The following KSR2 variants were observed in gnomAD, a reference collection of about 807,000 sequenced individuals.
KSR2 encodes the protein kinase suppressor of ras 2.
In KSR2, 25 loss-of-function variants were observed where a neutral mutation model predicts 107.8. That is an observed-to-expected ratio of 0.23 (90% CI 0.17 to 0.32). The LOEUF (loss-of-function observed/expected upper bound fraction) is 0.32. Ranked by LOEUF, KSR2 falls within the 10% of genes least tolerant of loss-of-function variation. KSR2 has a pLI of 1.00. For synonymous variants in KSR2, 480 were observed against 507.0 expected (o/e 0.95, Z 0.71); for missense variants, 887 against 1,268.9 (o/e 0.70, Z 4.57).
intron 3 of KSR2, among the ~76,000 whole-genome samples, chr12:117,825,584 CCTAG>C (rs1891713690): frequency 6.6e-6 from 1 of 152,148 alleles, no homozygotes; most frequent in African/African-American, 2.4e-5. Context: ...CCCTAACTAC[CCTAG>C]CTAGCTAACA....
chr12:117,948,144 G>A (rs1403702783), intron 1 of KSR2, among the ~76,000 whole-genome samples: 4 of 152,010 alleles, frequency 2.6e-5, no homozygotes, highest in Non-Finnish European at 5.9e-5. Flanking sequence ...AGATTTGACT[G>A]GTCAATTTTA....
intron 10 of KSR2, among the ~76,000 whole-genome samples, chr12:117,539,236 T>G (rs1876281438): frequency 6.6e-6 from 1 of 152,234 alleles, no homozygotes; most frequent in South Asian, 2.1e-4. Flanking sequence ...GTGACAGCCC[T>G]GTCCTCACAT....
At chr12:117,653,996 G>A (rs1290539952) in intron 5 of KSR2, among the ~76,000 whole-genome samples, 1 of 152,216 alleles carries the variant, frequency 6.6e-6, no homozygotes, top group African/African-American at 2.4e-5. Context: ...GCTCCCATAG[G>A]TGAATCACAG....
At chr12:117,588,876 T>A (rs2136261932) in intron 5 of KSR2, among the ~76,000 whole-genome samples, 1 of 152,284 alleles carries the variant, frequency 6.6e-6, no homozygotes, top group South Asian at 2.1e-4. Context: ...GAAGACTAAG[T>A]GGGATAATGC....
At chr12:117,610,730 C>A (rs563323942) in intron 5 of KSR2, among the ~76,000 whole-genome samples, 56 of 117,318 alleles carry the variant, frequency 4.8e-4, no homozygotes, top group Admixed American at 1.3e-3. Context: ...CAGAGTGAGA[C>A]CCTGTCTCAA....
chr12:117,782,341 G>A (rs1430032318), intron 3 of KSR2, among the ~76,000 whole-genome samples: 1 of 152,194 alleles, frequency 6.6e-6, no homozygotes, highest in Non-Finnish European at 1.5e-5. Flanking sequence ...ATGGCTCACT[G>A]CAGCCTCAAC....
At chr12:117,491,885 C>G (rs1872762640) in intron 14 of KSR2, among the ~76,000 whole-genome samples, 1 of 152,212 alleles carries the variant, frequency 6.6e-6, no homozygotes, top group Admixed American at 6.5e-5. Context: ...AAAGTGGTAG[C>G]TGTAATGTCA....
At chr12:117,549,438 A>T (rs369417176) in intron 9 of KSR2, among the ~76,000 whole-genome samples, 204 of 148,342 alleles carry the variant, frequency 1.4e-3, no homozygotes, top group Middle Eastern at 6.8e-3. Flanking sequence ...GTCTAACTTT[A>T]AAAAAAAAAC....
At chr12:117,953,374 A>T (rs1048813407) in intron 1 of KSR2, among the ~76,000 whole-genome samples, 3 of 152,224 alleles carry the variant, frequency 2.0e-5, no homozygotes, top group African/African-American at 7.2e-5. Context: ...ATACTCTCAT[A>T]CCAGTGATCA....
intron 16 of KSR2, among the ~76,000 whole-genome samples, chr12:117,479,959 G>C (rs1338996647): frequency 6.6e-6 from 1 of 152,200 alleles, no homozygotes; most frequent in Non-Finnish European, 1.5e-5. Context: ...AAATGAGACA[G>C]TGCGTGGCAC....
intron 1 of KSR2, among the ~76,000 whole-genome samples, chr12:117,910,720 C>T (rs1894985852): frequency 6.6e-6 from 1 of 152,106 alleles, no homozygotes; most frequent in Admixed American, 6.6e-5. Flanking sequence ...CATGGGATCC[C>T]CAGAGAGTGC....
chr12:117,968,873 G>T lies in KSR2; in HGVS notation c.-618C>A. On this transcript the variant is annotated 5_prime_UTR_variant, in exon 1 of 20. Transcript: ENST00000339824. Reference sequence around the variant, plus strand: ...GCGGCTGCGGCGGCTACTGCGGCTGGCTGCTGTCTCCTCCCCGCGCTGCTG... The same window carrying T: ...GCGGCTGCGGCGGCTACTGCGGCTGTCTGCTGTCTCCTCCCCGCGCTGCTG... The T allele has an allele frequency of 4.3e-6, 1 of 231,250 alleles. No homozygotes were observed. The highest frequency in any genetic ancestry group is 8.6e-6 in the Non-Finnish European group (1 of 116,480). The allele number at this position is 231,250 out of a possible 1,614,324, so 14.3% of individuals were successfully genotyped here.
At chr12:117,559,116 T>C (rs1030424001) in intron 7 of KSR2, among the ~76,000 whole-genome samples, 1 of 151,872 alleles carries the variant, frequency 6.6e-6, no homozygotes, top group African/African-American at 2.4e-5. Context: ...GGTGGATAGA[T>C]GGGATGCCCC....
chr12:117,790,019 G>A (rs1448768815), intron 3 of KSR2, among the ~76,000 whole-genome samples: 7 of 152,120 alleles, frequency 4.6e-5, no homozygotes, highest in Non-Finnish European at 7.4e-5. Flanking sequence ...CTGGGCTGAC[G>A]CTTCCACCGT....
At position 117,557,203 on chromosome 12, in the gene KSR2, A is replaced by G. The variant is rs566132480; in HGVS notation, c.1393+1303T>C. On this transcript the variant is annotated intron_variant, in intron 8 of 19. Coordinates refer to ENST00000339824, the MANE Select transcript of KSR2 (RefSeq NM_173598.6). ...TAAATAAAAAATAAGCATATGGCAC[A>G]TAAAATTCTCTATTTGGGCTTTTGT... Among the ~76,000 whole-genome samples, 5 of 152,312 alleles carry G rather than the reference A, an allele frequency of 3.3e-5. No individual in the cohort carries two copies. In the East Asian group the frequency reaches 9.7e-4, roughly 29 times the overall value.
chr12:117,967,529 T>C (rs1896835008), intron 1 of KSR2, among the ~76,000 whole-genome samples: 2 of 151,962 alleles, frequency 1.3e-5, no homozygotes, highest in Admixed American at 1.3e-4. Flanking sequence ...ATATCACTGA[T>C]TTAAAACAAA....
At chr12:117,945,482 C>A (rs1471282380) in intron 1 of KSR2, among the ~76,000 whole-genome samples, 1 of 152,118 alleles carries the variant, frequency 6.6e-6, no homozygotes, top group Non-Finnish European at 1.5e-5. Flanking sequence ...CAAGATCAGC[C>A]TGGCCAATGT....
intron 1 of KSR2, among the ~76,000 whole-genome samples, chr12:117,887,131 C>G (rs990995959): frequency 1.3e-5 from 2 of 151,980 alleles, no homozygotes; most frequent in African/African-American, 4.8e-5. Flanking sequence ...GCTCTGTTGC[C>G]TAGGCTGGTC....
intron 1 of KSR2, among the ~76,000 whole-genome samples, chr12:117,930,372 T>C (rs1425589262): frequency 2.6e-5 from 4 of 152,166 alleles, no homozygotes; most frequent in Non-Finnish European, 4.4e-5. Flanking sequence ...TTCATTATAC[T>C]GGAGTTGTTC....
Sources: allele counts gnomAD v4.1 joint callset (sites outside exome capture counted in the v4.1 genomes callset), GRCh38; gene constraint gnomAD v4.1.1; transcripts MANE v1.5; gene names NCBI Gene and HGNC (gene_info 2026-07-23, HGNC 2026-07-21).